CDH13: variants seen among roughly 807,000 people sequenced by gnomAD.
CDH13 encodes the protein cadherin-13.
In CDH13, 24 loss-of-function variants were observed where a neutral mutation model predicts 63.8. The observed-to-expected ratio is 0.38, with a 90% CI of 0.27 to 0.53. The LOEUF (loss-of-function observed/expected upper bound fraction) is 0.53. Among genes scored for constraint, CDH13 ranks in the 20% least tolerant of loss-of-function variants. The pLI is 0.85. For missense variants in CDH13, 1,049 were observed against 903.1 expected, an observed-to-expected ratio of 1.16 and a Z score of -2.07; for synonymous variants, 503 against 355.3, an observed-to-expected ratio of 1.42 and a Z score of -4.67.
chr16:83,196,769 T>A (rs771545487), intron 4 of CDH13, among the ~76,000 whole-genome samples: 22 of 152,248 alleles, frequency 1.4e-4, no homozygotes, highest in Non-Finnish European at 2.6e-4. Flanking sequence ...AACAGTTAAT[T>A]TATTTTTAAA....
intron 1 of CDH13, among the ~76,000 whole-genome samples, chr16:82,738,046 G>A (rs12600020): frequency 0.1 from 15,391 of 152,154 alleles, 903 homozygotes; most frequent in East Asian, 0.26. Flanking sequence ...AATTACAGGC[G>A]CTGTGTTGTA....
chr16:82,931,513 C>CCTTT (rs565823742), intron 2 of CDH13, among the ~76,000 whole-genome samples: 4 of 144,364 alleles, frequency 2.8e-5, no homozygotes, highest in African/African-American at 7.6e-5. Flanking sequence ...AGGTCCCCCC[C>CCTTT]TTTTTTTTTT....
At chr16:82,712,135 A>G (rs868307248) in intron 1 of CDH13, among the ~76,000 whole-genome samples, 1 of 152,092 alleles carries the variant, frequency 6.6e-6, no homozygotes, top group African/African-American at 2.4e-5. Context: ...AAATCATCCA[A>G]CTGCCTTTCA....
At chr16:83,652,755 C>T (rs1044015231) in intron 8 of CDH13, among the ~76,000 whole-genome samples, 8 of 152,172 alleles carry the variant, frequency 5.3e-5, no homozygotes, top group African/African-American at 1.4e-4. Flanking sequence ...TCCCCAGCGC[C>T]TGCAGCCTGG....
At chr16:83,306,839 A>T (rs1387217096) in intron 5 of CDH13, among the ~76,000 whole-genome samples, 2 of 152,054 alleles carry the variant, frequency 1.3e-5, no homozygotes, top group East Asian at 3.9e-4. Context: ...TGGAAATTAG[A>T]CTCTTCTTTG....
intron 1 of CDH13, among the ~76,000 whole-genome samples, chr16:82,653,099 T>C (rs1276989016): frequency 6.6e-6 from 1 of 152,142 alleles, no homozygotes; most frequent in Non-Finnish European, 1.5e-5. Flanking sequence ...AGCTTGGGAG[T>C]ACAACCACTT....
At chr16:83,035,287 C>G (rs575176705) in intron 3 of CDH13, among the ~76,000 whole-genome samples, 2 of 152,136 alleles carry the variant, frequency 1.3e-5, no homozygotes, top group South Asian at 4.2e-4. Context: ...GGAGGGAATA[C>G]GAATGTGTGC....
At chr16:83,298,075 AG>A (rs1383442147) in intron 5 of CDH13, among the ~76,000 whole-genome samples, 3 of 149,806 alleles carry the variant, frequency 2.0e-5, no homozygotes, top group African/African-American at 7.4e-5. Context: ...AAAAAGAAAA[AG>A]AAAAAAAGAA....
At chr16:82,891,125 C>T (rs1225006143) in intron 2 of CDH13, among the ~76,000 whole-genome samples, 1 of 151,330 alleles carries the variant, frequency 6.6e-6, no homozygotes, top group Admixed American at 6.6e-5. Flanking sequence ...CATACTGCCC[C>T]AGCCTCTGTA....
intron 6 of CDH13, among the ~76,000 whole-genome samples, chr16:83,429,268 T>C (rs558941713): frequency 2.0e-5 from 3 of 152,180 alleles, no homozygotes; most frequent in Non-Finnish European, 4.4e-5. Context: ...TTTCTAAGAT[T>C]GGTCCAGAGC....
At chr16:82,812,620 T>C (rs2151183000) in intron 1 of CDH13, among the ~76,000 whole-genome samples, 1 of 152,130 alleles carries the variant, frequency 6.6e-6, no homozygotes, top group African/African-American at 2.4e-5. Context: ...GGTGTTAATT[T>C]TACACAGGCT....
intron 5 of CDH13, among the ~76,000 whole-genome samples, chr16:83,232,795 C>G (rs543279428): frequency 1.3e-5 from 2 of 152,070 alleles, no homozygotes; most frequent in Non-Finnish European, 2.9e-5. Flanking sequence ...AATGCAAGAA[C>G]AACCTAACAC....
chr16:83,190,701 T>C (rs1449093700), intron 4 of CDH13, among the ~76,000 whole-genome samples: 3 of 152,174 alleles, frequency 2.0e-5, no homozygotes, highest in Admixed American at 2.0e-4. Context: ...CTCTGTCTCT[T>C]GAATTGAGTT....
intron 1 of CDH13, among the ~76,000 whole-genome samples, chr16:82,698,484 T>G (rs1189364725): frequency 1.3e-5 from 2 of 152,308 alleles, no homozygotes; most frequent in Non-Finnish European, 2.9e-5. Context: ...CAGCCATCAG[T>G]TAGGTGGCTC....
intron 7 of CDH13, among the ~76,000 whole-genome samples, chr16:83,557,440 GA>G (rs2075626563): frequency 6.6e-6 from 1 of 152,184 alleles, no homozygotes; most frequent in Non-Finnish European, 1.5e-5. Context: ...CCCTCATGCT[GA>G]AAAGGTTGGG....
At chr16:82,976,382 C>A (rs1909509154) in intron 2 of CDH13, among the ~76,000 whole-genome samples, 1 of 152,184 alleles carries the variant, frequency 6.6e-6, no homozygotes, top group Admixed American at 6.5e-5. Context: ...TCTCACTCAA[C>A]TGTAACGGTG....
intron 1 of CDH13, among the ~76,000 whole-genome samples, chr16:82,642,607 A>G (rs1233904546): frequency 6.6e-6 from 1 of 152,126 alleles, no homozygotes; most frequent in Non-Finnish European, 1.5e-5. Context: ...CAGACTGTGC[A>G]TTACGTAAGG....
At chr16:83,437,272 A>G (rs931140643) in intron 6 of CDH13, among the ~76,000 whole-genome samples, 3 of 152,192 alleles carry the variant, frequency 2.0e-5, no homozygotes, top group Non-Finnish European at 2.9e-5. Context: ...AGATCGGATA[A>G]TGATAGTCCT....
chr16:82,777,058 G>T (rs1034836797), intron 1 of CDH13, among the ~76,000 whole-genome samples: 1 of 152,170 alleles, frequency 6.6e-6, no homozygotes, highest in African/African-American at 2.4e-5. Context: ...TGATCCTTCT[G>T]CCTCAGCCTC....
Sources: allele counts gnomAD v4.1 joint callset (sites outside exome capture counted in the v4.1 genomes callset), GRCh38; gene constraint gnomAD v4.1.1; transcripts MANE v1.5; gene names NCBI Gene and HGNC (gene_info 2026-07-23, HGNC 2026-07-21).